Variants in TECTB observed in about 807,000 individuals in gnomAD.
TECTB encodes beta-tectorin.
Under a neutral mutation model 43.3 loss-of-function variants are expected in TECTB, and 45 were observed. That is an observed-to-expected ratio of 1.04 (90% CI 0.82 to 1.33). TECTB has a LOEUF of 1.33. Ranked by LOEUF, TECTB falls within the 40% of genes most tolerant of loss-of-function variation. TECTB has a pLI of 0.00. For missense variants in TECTB, 399 were observed against 404.7 expected, an observed-to-expected ratio of 0.99 and a Z score of 0.12; for synonymous variants, 169 against 156.7, an observed-to-expected ratio of 1.08 and a Z score of -0.59.
intron 2 of TECTB, 69 bp downstream of exon 2, chr10:112,283,879 C>T: frequency 6.7e-7 from 1 of 1,485,760 alleles, no homozygotes; most frequent in African/African-American, 1.4e-5. Flanking sequence ...CAATGCTCAG[C>T]ACTTCTGTGC....
intron 5 of TECTB, among the ~76,000 whole-genome samples, chr10:112,286,637 T>G (rs1348119242): frequency 1.3e-5 from 2 of 152,144 alleles, no homozygotes; most frequent in African/African-American, 4.8e-5. Context: ...ACCAACCTTC[T>G]GGCCAGGCGT....
At position 112,293,921 on chromosome 10, in the gene TECTB, T is replaced by C; in HGVS notation, c.588-57T>C. ...GCTGACATACTTTTTAATCATCAGA[T>C]GTTTGTAGGCATAAGATTCTCTGTT... On this transcript the variant is annotated intron_variant, in intron 6 of 10. Transcript: ENST00000646139. The C allele has an allele frequency of 3.7e-6, 6 of 1,605,656 alleles. No homozygotes were observed. The Admixed American group carries it at 5.0e-5, about 13-fold the overall frequency.
In TECTB at chr10:112,290,975, T is replaced by TC. The variant is rs1470891369; in HGVS notation, c.484-2761dup. ...TGTGTTTGACATGTGAGGGGTAAAG[T>TC]CCACTTTATTTTATCTTTATTTGTT... is the stretch of plus-strand genomic sequence containing the variant. On this transcript the variant is annotated intron_variant, in intron 5 of 10. Coordinates refer to ENST00000646139, the MANE Select transcript of TECTB (RefSeq NM_058222.3). Among the ~76,000 whole-genome samples the TC allele has an allele frequency of 5.3e-5, 8 of 152,264 alleles. No individual in the cohort carries two copies. The South Asian group carries it at 1.7e-3, about 32-fold the overall frequency.
rs750143942 is a variant in TECTB at position 112,284,539 on chromosome 10, C to T, written c.81C>T (p.Val27=). Residue 27 remains valine (V), a synonymous_variant, in exon 3 of 11, where the codon GTC becomes GTT. Coordinates refer to ENST00000646139, the MANE Select transcript of TECTB (RefSeq NM_058222.3). ...AKSCAPNKAD[V]ILVFCYPKTI... ...CTATATGTGTGCTCTTTCCAGATGT[C>T]ATTCTTGTGTTTTGCTATCCCAAAA... is the stretch of plus-strand genomic sequence containing the variant. The T allele has an allele frequency of 1.9e-6, 3 of 1,605,414 alleles. No homozygotes were observed. In the South Asian group the frequency reaches 3.4e-5, roughly 18 times the overall value.
At chr10:112,291,611 C>T (rs1848499736) in intron 5 of TECTB, among the ~76,000 whole-genome samples, 1 of 152,372 alleles carries the variant, frequency 6.6e-6, no homozygotes, top group South Asian at 2.1e-4. Flanking sequence ...CCACTGTCTA[C>T]CTATTGCAGT....
intron 9 of TECTB, among the ~76,000 whole-genome samples, chr10:112,300,055 G>A (rs1242666664): frequency 2.0e-5 from 3 of 151,196 alleles, no homozygotes; most frequent in Non-Finnish European, 2.9e-5. Context: ...CCAACTACTC[G>A]GGAGGCTAAG....
rs137897266 is a variant in TECTB at position 112,285,508 on chromosome 10, G to C, written c.268-563G>C. Among the ~76,000 whole-genome samples, 6 of 152,330 alleles carry C rather than the reference G, an allele frequency of 3.9e-5. No individual in the cohort carries two copies. The East Asian group carries it at 1.2e-3, about 29-fold the overall frequency. On this transcript the variant is annotated intron_variant, in intron 3 of 10. Transcript: ENST00000646139. ...ATGATTAACAAGACATCATGTCTTT[G>C]AGTATATCCTGGTGAACTAGAAATC...
rs550515250 is a variant in TECTB, at chr10:112,283,690, C to A, written c.-45C>A. ...CCCTGGAAGGACCGTAAACATTTGG[C>A]CAGCTTGGTTTGGATACCTGGCAGA... On this transcript the variant is annotated 5_prime_UTR_variant, in exon 2 of 11. Transcript: ENST00000646139. 2 of 1,597,156 alleles carry A rather than the reference C, an allele frequency of 1.3e-6. No homozygotes were observed. Among genetic ancestry groups the A allele is most frequent in the East Asian group, 2.2e-5 (1 of 44,700 alleles).
chr10:112,297,715 T>C (rs898669721), intron 7 of TECTB, among the ~76,000 whole-genome samples: 31 of 152,178 alleles, frequency 2.0e-4, no homozygotes, highest in Non-Finnish European at 2.8e-4. Flanking sequence ...GGTGCCATTG[T>C]CCTTACTTTG....
In TECTB at chr10:112,286,312, T is replaced by C. The variant is rs375424725; in HGVS notation, c.411-7T>C. 41 of 1,611,594 alleles carry C rather than the reference T, an allele frequency of 2.5e-5. No individual in the cohort carries two copies. Among genetic ancestry groups the C allele is most frequent in the Non-Finnish European group, 3.4e-5 (40 of 1,178,004 alleles). The stretch of plus-strand genomic sequence containing the variant: ...AGTCCTTATGCAAAATTCTCTCCCC[T>C]TTTCAGAGTGGCCACTGTTCACGTG... On this transcript the variant is annotated splice_region_variant and splice_polypyrimidine_tract_variant and intron_variant, in intron 4 of 10. Transcript: ENST00000646139.
At chr10:112,292,930 G>C (rs1364458978) in intron 5 of TECTB, among the ~76,000 whole-genome samples, 2 of 152,076 alleles carry the variant, frequency 1.3e-5, no homozygotes, top group African/African-American at 4.8e-5. Context: ...TAGCTACATG[G>C]CCCCCCTCCT....
At chr10:112,290,292 T>C (rs1010474566) in intron 5 of TECTB, among the ~76,000 whole-genome samples, 4 of 152,226 alleles carry the variant, frequency 2.6e-5, no homozygotes, top group African/African-American at 9.6e-5. Context: ...ATCTGCAGTT[T>C]CAGGCATCCA....
intron 1 of TECTB, 73 bp downstream of exon 1, chr10:112,283,569 C>T (rs1564706158): frequency 6.3e-6 from 4 of 639,176 alleles, no homozygotes; most frequent in Non-Finnish European, 1.1e-5. Flanking sequence ...GTTTATCTCC[C>T]TTGAAAATTT....
In TECTB at chr10:112,286,664, A is replaced by G. The variant is rs7915724; in HGVS notation, c.483+273A>G. On this transcript the variant is annotated intron_variant, in intron 5 of 10. Transcript: ENST00000646139. Reference sequence around the variant, plus strand: ...GCCAGGCGTGGTAGTTCACACCTGTAATCCCAGCACTTTGGGAGACCGAGG... The same window carrying G: ...GCCAGGCGTGGTAGTTCACACCTGTGATCCCAGCACTTTGGGAGACCGAGG... 4.8e-3 allele frequency among the ~76,000 whole-genome samples: 732 copies of G among 152,324 alleles called. 6 individuals carry two copies. The highest frequency in any genetic ancestry group is 0.017 in the African/African-American group (699 of 41,578).
At position 112,295,341 on chromosome 10, in the gene TECTB, T is replaced by A. The variant is rs531939612; in HGVS notation, c.671+1280T>A. 9.8e-5 allele frequency among the ~76,000 whole-genome samples: 15 copies of A among 152,336 alleles called. No homozygotes were observed. The South Asian group carries it at 2.9e-3, about 29-fold the overall frequency. Reference sequence around the variant, plus strand: ...CCAAACATTGTTCTAGATAGGTGTTTTACAAATATTAATTTATCTAAATGT... The same window carrying A: ...CCAAACATTGTTCTAGATAGGTGTTATACAAATATTAATTTATCTAAATGT... On this transcript the variant is annotated intron_variant, in intron 7 of 10. Coordinates refer to ENST00000646139, the MANE Select transcript of TECTB (RefSeq NM_058222.3).
intron 3 of TECTB, 38 bp from the exon 4 acceptor site, chr10:112,286,033 A>G (rs1475905011): frequency 5.6e-6 from 9 of 1,611,554 alleles, no homozygotes; most frequent in Non-Finnish European, 7.6e-6. Context: ...CATCGCGGGG[A>G]AACAGATTCA....
At chr10:112,297,686 C>A (rs950803119) in intron 7 of TECTB, among the ~76,000 whole-genome samples, 1 of 152,114 alleles carries the variant, frequency 6.6e-6, no homozygotes, top group Non-Finnish European at 1.5e-5. Flanking sequence ...GCTGTGGCAG[C>A]AGGGGCAATG....
At chr10:112,291,690 A>G (rs78336657) in intron 5 of TECTB, among the ~76,000 whole-genome samples, 2,435 of 152,312 alleles carry the variant, frequency 0.016, 63 homozygotes, top group African/African-American at 0.055. Flanking sequence ...TTATTCTCCT[A>G]TTACATAAAG....
At chr10:112,300,271 AAAGAAAGAAAAGAAAGAAAGAAAG>A (rs1327971872) in intron 9 of TECTB, among the ~76,000 whole-genome samples, 6 of 28,000 alleles carry the variant, frequency 2.1e-4, no homozygotes, top group African/African-American at 1.5e-3. Flanking sequence ...AGAAAGAAAG[AAAGAAAGAAAAGAAAGAAAGAAAG>A]AAAGAAAGAA....
Sources: gnomAD v4.1 joint callset for allele counts (sites outside exome capture counted in the v4.1 genomes callset) on GRCh38, gnomAD v4.1.1 for gene constraint, MANE v1.5 for transcripts, NCBI Gene and HGNC (gene_info 2026-07-23, HGNC 2026-07-21) for gene names.